The following TBX15 variants were observed in gnomAD, a reference collection of about 807,000 sequenced individuals.
TBX15 encodes the protein T-box transcription factor 15, also known as T-box transcription factor TBX15.
In TBX15, 18 loss-of-function variants were observed where a neutral mutation model predicts 53.9. The observed-to-expected ratio is 0.33, with a 90% confidence interval of 0.23 to 0.49. The LOEUF is 0.49. TBX15 is among the 20% of genes least tolerant of loss of function. The probability of loss-of-function intolerance (pLI) is 0.98; values close to 1 mark genes in which losing one functional copy is unlikely to be tolerated. For synonymous variants in TBX15, 295 were observed against 278.0 expected, an observed-to-expected ratio of 1.06 and a Z score of -0.61; for missense variants, 692 against 749.5, an observed-to-expected ratio of 0.92 and a Z score of 0.90.
chr1:118,977,542 G>A (rs1427883223), intron 1 of TBX15, among the ~76,000 whole-genome samples: 1 of 151,982 alleles, frequency 6.6e-6, no homozygotes, highest in Non-Finnish European at 1.5e-5. Context: ...CAGGTTCCAT[G>A]ATTGCAGAAG....
intron 7 of TBX15, among the ~76,000 whole-genome samples, chr1:118,888,495 A>C (rs965495665): frequency 6.6e-6 from 1 of 152,220 alleles, no homozygotes; most frequent in Non-Finnish European, 1.5e-5. Flanking sequence ...CCTTGCAGAA[A>C]TCTCAAGGAT....
intron 1 of TBX15, among the ~76,000 whole-genome samples, chr1:118,953,555 C>T (rs746222137): frequency 6.6e-6 from 1 of 152,098 alleles, no homozygotes; most frequent in Non-Finnish European, 1.5e-5. Flanking sequence ...CCACAGCTTA[C>T]AAAATAATAT....
At position 118,884,035 on chromosome 1, in the gene TBX15, C is replaced by G. The variant is rs2101410857; in HGVS notation, c.*697G>C. 6.5e-6 allele frequency: 1 copy of G among 153,352 alleles called. No homozygotes were observed. The highest frequency in any genetic ancestry group is 2.4e-5 in the African/African-American group (1 of 41,558). 9.5% of individuals were successfully genotyped at this position (153,352 alleles called of 1,614,324 possible). A position where few individuals can be genotyped will look rare whatever the true frequency, so the allele number is the denominator to read the frequency against. On this transcript the variant is annotated 3_prime_UTR_variant, in exon 8 of 8. Coordinates refer to ENST00000369429, the MANE Select transcript of TBX15 (RefSeq NM_001330677.2). ...CACTGGGAATATCAATGATAGCATA[C>G]AAGTGAAGAGAGCCAAAGTTCAAAA...
At chr1:118,959,608 C>T (rs12031650) in intron 1 of TBX15, among the ~76,000 whole-genome samples, 1 of 152,196 alleles carries the variant, frequency 6.6e-6, no homozygotes, top group Non-Finnish European at 1.5e-5. Flanking sequence ...CCTGAACACT[C>T]TGAGCACTAG....
chr1:118,884,605 GAAA>G lies in TBX15; in HGVS notation c.*124_*126del, dbSNP rs536044359. ...GTTCTTGGGTATATGTCTTCGGCCA[GAAA>G]AAAAAAAAAAAAAAAAACACGGTTC... is the stretch of plus-strand genomic sequence containing the variant. On this transcript the variant is annotated 3_prime_UTR_variant, in exon 8 of 8. Transcript: ENST00000369429. The G allele has an allele frequency of 8.7e-3, 6,615 of 762,952 alleles. 91 individuals carry two copies. Among genetic ancestry groups the G allele is most frequent in the African/African-American group, 0.08 (3,466 of 43,264 alleles). The allele number at this position is 762,952 out of a possible 1,614,324, so 47.3% of individuals were successfully genotyped here.
intron 1 of TBX15, among the ~76,000 whole-genome samples, chr1:118,938,275 G>T (rs1656029848): frequency 6.6e-6 from 1 of 152,112 alleles, no homozygotes. Flanking sequence ...AGTTCTATTT[G>T]GGAAAAGGGA....
chr1:118,905,910 G>C (rs951040087), intron 6 of TBX15, among the ~76,000 whole-genome samples: 2 of 152,200 alleles, frequency 1.3e-5, no homozygotes, highest in African/African-American at 2.4e-5. Context: ...GGTGGACAAA[G>C]ATACAATTTC....
At chr1:118,953,296 G>T (rs972766821) in intron 1 of TBX15, among the ~76,000 whole-genome samples, 1 of 152,044 alleles carries the variant, frequency 6.6e-6, no homozygotes, top group East Asian at 1.9e-4. Context: ...CCAACCAAAC[G>T]TAAAATACAA....
intron 1 of TBX15, among the ~76,000 whole-genome samples, chr1:118,944,067 A>G (rs1241641699): frequency 6.6e-6 from 1 of 152,176 alleles, no homozygotes; most frequent in Non-Finnish European, 1.5e-5. Flanking sequence ...GAGTGAAATC[A>G]TTGAGTGTTT....
At chr1:118,927,257 G>C (rs1655631409) in intron 2 of TBX15, among the ~76,000 whole-genome samples, 1 of 152,052 alleles carries the variant, frequency 6.6e-6, no homozygotes. Context: ...TGATATAAAT[G>C]TATGCACAGG....
chr1:118,893,313 GGAAAGAAAGAAAGAAGAAA>G (rs1557872384), intron 7 of TBX15, among the ~76,000 whole-genome samples: 27 of 90,100 alleles, frequency 3.0e-4, no homozygotes, highest in African/African-American at 3.9e-4. Flanking sequence ...AAGGAAGGAA[GGAAAGAAAGAAAGAAGAAA>G]GAAGGAAGGA....
At chr1:118,917,753 C>A (rs2101574469) in intron 5 of TBX15, among the ~76,000 whole-genome samples, 2 of 152,294 alleles carry the variant, frequency 1.3e-5, no homozygotes, top group African/African-American at 4.8e-5. Flanking sequence ...ACAATCTCTT[C>A]TCTATCCAGC....
At chr1:118,939,635 A>G (rs758875376) in intron 1 of TBX15, among the ~76,000 whole-genome samples, 10 of 149,716 alleles carry the variant, frequency 6.7e-5, no homozygotes, top group Admixed American at 1.3e-4. Context: ...CCTAAACCTC[A>G]GCATCACGCA....
chr1:118,893,544 A>AAGAAAGAT lies in TBX15; in HGVS notation c.1024+5483_1024+5484insATCTTTCT, dbSNP rs1325185191. Among the ~76,000 whole-genome samples the AAGAAAGAT allele has an allele frequency of 2.2e-3, 293 of 132,590 alleles. 2 individuals carry two copies. Among genetic ancestry groups the AAGAAAGAT allele is most frequent in the Non-Finnish European group, 2.7e-3 (175 of 64,740 alleles). The allele number at this position is 132,590 out of a possible 152,430, so 87.0% of individuals were successfully genotyped here. On this transcript the variant is annotated intron_variant, in intron 7 of 7. Coordinates refer to ENST00000369429, the MANE Select transcript of TBX15 (RefSeq NM_001330677.2). ...AAAGAAAGAAGGAAAGAAAGATGGA[A>AAGAAAGAT]GGAAGGAAGGAAGGAAAGAAGGAAG... is the stretch of plus-strand genomic sequence containing the variant.
chr1:118,926,474 G>A (rs748210662), intron 3 of TBX15, 36 bp downstream of exon 3: 10 of 1,553,190 alleles, frequency 6.4e-6, no homozygotes, highest in Middle Eastern at 1.7e-4. Flanking sequence ...GAATGCTGGT[G>A]ATACCCACAT....
At chr1:118,920,956 C>T (rs1183104054) in intron 5 of TBX15, among the ~76,000 whole-genome samples, 1 of 152,076 alleles carries the variant, frequency 6.6e-6, no homozygotes, top group Non-Finnish European at 1.5e-5. Context: ...GGGAGAATTG[C>T]TTGAGCCCAG....
intron 1 of TBX15, among the ~76,000 whole-genome samples, chr1:118,979,581 C>T (rs1206714502): frequency 6.6e-6 from 1 of 152,148 alleles, no homozygotes; most frequent in African/African-American, 2.4e-5. Flanking sequence ...GTGTGAGACC[C>T]TTGGGTTCCA....
intron 7 of TBX15, among the ~76,000 whole-genome samples, chr1:118,898,212 AT>A (rs1654495122): frequency 6.6e-6 from 1 of 152,186 alleles, no homozygotes; most frequent in Non-Finnish European, 1.5e-5. Flanking sequence ...TCCAGAGTCT[AT>A]GCTTTTAATC....
intron 1 of TBX15, among the ~76,000 whole-genome samples, chr1:118,968,770 T>C (rs1380026420): frequency 6.6e-6 from 1 of 152,068 alleles, no homozygotes; most frequent in Non-Finnish European, 1.5e-5. Flanking sequence ...AACCATATGA[T>C]GTGAAACTTG....
Sources: allele counts gnomAD v4.1 joint callset (sites outside exome capture counted in the v4.1 genomes callset), GRCh38; gene constraint gnomAD v4.1.1; transcripts MANE v1.5; gene names NCBI Gene and HGNC (gene_info 2026-07-23, HGNC 2026-07-21).